Variants in CFAP97 observed in about 807,000 individuals in gnomAD.
CFAP97 encodes cilia- and flagella-associated protein 97.
A neutral mutation model predicts 43.1 loss-of-function variants in CFAP97; 36 were observed. That is an observed-to-expected ratio of 0.84 (90% CI 0.64 to 1.10). CFAP97 has a LOEUF of 1.10. CFAP97 is among the 50% of genes least tolerant of loss of function. The probability of loss-of-function intolerance (pLI) is 0.00; values close to 1 mark genes in which losing one functional copy is unlikely to be tolerated. For synonymous variants in CFAP97, 228 were observed against 225.7 expected, an observed-to-expected ratio of 1.01 and a Z score of -0.09; for missense variants, 657 against 620.3, an observed-to-expected ratio of 1.06 and a Z score of -0.63.
chr4:185,188,971 C>T (rs757759681), intron 2 of CFAP97, among the ~76,000 whole-genome samples: 2 of 152,130 alleles, frequency 1.3e-5, no homozygotes, highest in Non-Finnish European at 2.9e-5. Context: ...GATGCAGTGG[C>T]GTGCACCCAT....
chr4:185,177,517 G>A lies in CFAP97; in HGVS notation c.1055-1466C>T, dbSNP rs148996924. 9.9e-5 allele frequency among the ~76,000 whole-genome samples: 15 copies of A among 152,018 alleles called. No homozygotes were observed. The East Asian group carries it at 2.3e-3, about 24-fold the overall frequency. Reference sequence around the variant, plus strand: ...TTAAACATGTTTAGCATTTTATGCTGGGACATTTTTAATCCCCTATTTAAA... The same window carrying A: ...TTAAACATGTTTAGCATTTTATGCTAGGACATTTTTAATCCCCTATTTAAA... On this transcript the variant is annotated intron_variant, in intron 2 of 4. Transcript: ENST00000458385.
chr4:185,190,583 T>C lies in CFAP97; in HGVS notation c.614A>G (p.Lys205Arg), dbSNP rs1736196731. 1.9e-6 allele frequency: 3 copies of C among 1,613,398 alleles called. No homozygotes were observed. Among genetic ancestry groups the C allele is most frequent in the Non-Finnish European group, 2.5e-6 (3 of 1,179,634 alleles). ...SHLSDSSPSS[K>R]SSKKHVSGIT... ...ACCAGATACATGTTTCTTAGATGAC[T>C]TAGATGACGGAGACGAATCAGATAG... Residue 205 changes from lysine (K) to arginine (R), a missense_variant, in exon 2 of 5, where the codon AAG becomes AGG. Coordinates refer to ENST00000458385, the MANE Select transcript of CFAP97 (RefSeq NM_020827.3).
chr4:185,166,800 T>C (rs1047398057), intron 3 of CFAP97, among the ~76,000 whole-genome samples: 2 of 152,158 alleles, frequency 1.3e-5, no homozygotes, highest in African/African-American at 2.4e-5. Flanking sequence ...GCTAAAGGAT[T>C]TGAGAAATAA....
At chr4:185,183,370 C>T (rs1312883583) in intron 2 of CFAP97, among the ~76,000 whole-genome samples, 3 of 152,172 alleles carry the variant, frequency 2.0e-5, no homozygotes, top group Non-Finnish European at 4.4e-5. Flanking sequence ...CATCATCCTC[C>T]CCATACTAAG....
At chr4:185,175,638 C>A in intron 3 of CFAP97, 148 bp downstream of exon 3, 1 of 690,120 alleles carries the variant, frequency 1.4e-6, no homozygotes, top group Non-Finnish European at 2.4e-6. Context: ...GGACTTACAG[C>A]ACATCATATG....
chr4:185,194,750 TCTATA>T (rs1029188902), intron 1 of CFAP97, among the ~76,000 whole-genome samples: 1 of 152,212 alleles, frequency 6.6e-6, no homozygotes, highest in Non-Finnish European at 1.5e-5. Context: ...ACAAAACTTT[TCTATA>T]CTGAATTAAT....
At position 185,164,017 on chromosome 4, in the gene CFAP97, CA is replaced by C. The variant is rs1392139132; in HGVS notation, c.1471+11del. 1.2e-6 allele frequency: 2 copies of C among 1,604,318 alleles called. No homozygotes were observed. Among genetic ancestry groups the C allele is most frequent in the African/African-American group, 1.3e-5 (1 of 74,442 alleles). The stretch of plus-strand genomic sequence containing the variant: ...ATACAAATAAGTATAAAATAATTTC[CA>C]AAATGCTTACTTAATGGGCTATATT... On this transcript the variant is annotated intron_variant, in intron 4 of 4. Transcript: ENST00000458385.
chr4:185,194,009 C>T (rs1736426084), intron 1 of CFAP97, among the ~76,000 whole-genome samples: 1 of 152,200 alleles, frequency 6.6e-6, no homozygotes, highest in Non-Finnish European at 1.5e-5. Flanking sequence ...AGCAAACTAC[C>T]TGTCCGTAAA....
intron 2 of CFAP97, among the ~76,000 whole-genome samples, chr4:185,181,173 G>A (rs1198908932): frequency 6.6e-6 from 1 of 151,274 alleles, no homozygotes; most frequent in Non-Finnish European, 1.5e-5. Context: ...CTACTGGGGA[G>A]GCTGAGGCAC....
At chr4:185,173,281 T>A (rs995274903) in intron 3 of CFAP97, among the ~76,000 whole-genome samples, 3 of 151,238 alleles carry the variant, frequency 2.0e-5, no homozygotes, top group Non-Finnish European at 2.9e-5. Context: ...GAGAATCGCT[T>A]GAACCTGGGA....
chr4:185,208,325 T>C (rs1277496684), upstream of CFAP97, among the ~76,000 whole-genome samples: 19 of 152,020 alleles, frequency 1.2e-4, no homozygotes, highest in Admixed American at 1.2e-3. Context: ...CCTATTTTCT[T>C]AAAAAAGGAG....
chr4:185,210,126 C>T, upstream of CFAP97: 3 of 984,058 alleles, frequency 3.0e-6, no homozygotes, highest in Non-Finnish European at 3.6e-6. The surrounding 1 kb of genome is among the most constrained non-coding windows in gnomAD (Gnocchi z 4.4). Context: ...ACCTGAGCTG[C>T]GCGGCGGCCG....
At chr4:185,192,763 C>T (rs1420828080) in intron 1 of CFAP97, among the ~76,000 whole-genome samples, 10 of 59,872 alleles carry the variant, frequency 1.7e-4, no homozygotes, top group South Asian at 5.3e-4. Flanking sequence ...TTTTTTGAGA[C>T]GGAGTCTCGC....
At chr4:185,191,654 A>G (rs1180038860) in intron 1 of CFAP97, among the ~76,000 whole-genome samples, 1 of 152,210 alleles carries the variant, frequency 6.6e-6, no homozygotes, top group African/African-American at 2.4e-5. Context: ...ACATGGTGAA[A>G]CCCCGTCTCT....
intron 1 of CFAP97, among the ~76,000 whole-genome samples, chr4:185,193,031 C>T (rs1049132420): frequency 1.1e-4 from 17 of 152,078 alleles, no homozygotes; most frequent in South Asian, 4.2e-4. Context: ...TGAGCCACCG[C>T]GCCCCACCCA....
At chr4:185,169,959 A>AT in intron 3 of CFAP97, 1 of 1,029,666 alleles carries the variant, frequency 9.7e-7, no homozygotes, top group Non-Finnish European at 1.2e-6. Flanking sequence ...TAATCAACAG[A>AT]TTAATATTCA....
At chr4:185,186,918 T>C (rs1560867006) in intron 2 of CFAP97, among the ~76,000 whole-genome samples, 1 of 152,172 alleles carries the variant, frequency 6.6e-6, no homozygotes, top group Non-Finnish European at 1.5e-5. Context: ...GCACTTGAGG[T>C]TGGTGCTGGA....
chr4:185,202,829 T>C (rs1579276369), intron 1 of CFAP97, among the ~76,000 whole-genome samples: 1 of 152,228 alleles, frequency 6.6e-6, no homozygotes, highest in Non-Finnish European at 1.5e-5. Context: ...TCGACACTCA[T>C]GTGACTTAAT....
At position 185,162,643 on chromosome 4, in the gene CFAP97, A is replaced by G. The variant is rs139165759; in HGVS notation, c.*155T>C. On this transcript the variant is annotated 3_prime_UTR_variant, in exon 5 of 5. Coordinates refer to ENST00000458385, the MANE Select transcript of CFAP97 (RefSeq NM_020827.3). Reference sequence around the variant, plus strand: ...TTTTACATTAAATCGTTTTTTGACAATAATTTTGCACTGAATAACAATACA... The same window carrying G: ...TTTTACATTAAATCGTTTTTTGACAGTAATTTTGCACTGAATAACAATACA... The G allele has an allele frequency of 4.5e-5, 34 of 762,122 alleles. 1 individual carries two copies. Among genetic ancestry groups the G allele is most frequent in the South Asian group, 1.9e-4 (10 of 52,696 alleles). The allele number at this position is 762,122 out of a possible 1,614,324, so 47.2% of individuals were successfully genotyped here. A position where few individuals can be genotyped will look rare whatever the true frequency, so the allele number is the denominator to read the frequency against.
Sources: allele counts gnomAD v4.1 joint callset (sites outside exome capture counted in the v4.1 genomes callset), GRCh38; gene constraint gnomAD v4.1.1; non-coding constraint Gnocchi (gnomAD v3.1); transcripts MANE v1.5; gene names NCBI Gene and HGNC (gene_info 2026-07-23, HGNC 2026-07-21).